The following THRB variants were observed in gnomAD, a reference collection of about 807,000 sequenced individuals.
THRB encodes nuclear receptor subfamily 1 group A member 2.
THRB carries 12 observed loss-of-function variants against 47.8 expected under a neutral mutation model. That is an observed-to-expected ratio of 0.25 (90% CI 0.16 to 0.41). THRB has a LOEUF of 0.41. THRB is among the 10% of genes least tolerant of loss of function. The pLI, the probability that THRB is intolerant of heterozygous loss-of-function variation, is 1.00. For synonymous variants in THRB, 218 were observed against 212.2 expected (o/e 1.03, Z -0.24); for missense variants, 348 against 589.2 (o/e 0.59, Z 4.24).
At chr3:24,212,538 A>G (rs973042064) in intron 4 of THRB, among the ~76,000 whole-genome samples, 3 of 128,694 alleles carry the variant, frequency 2.3e-5, no homozygotes, top group Non-Finnish European at 3.2e-5. Context: ...AGATCGCACC[A>G]TTGCACTCCA....
intron 1 of THRB, among the ~76,000 whole-genome samples, chr3:24,415,145 CAGGTTTGGTA>C (rs2068635356): frequency 6.6e-6 from 1 of 151,768 alleles, no homozygotes; most frequent in Non-Finnish European, 1.5e-5. Context: ...ATAAAAGATT[CAGGTTTGGTA>C]AGCTCAGGGT....
intron 4 of THRB, among the ~76,000 whole-genome samples, chr3:24,195,561 A>G (rs2043855173): frequency 6.6e-6 from 1 of 152,224 alleles, no homozygotes; most frequent in Admixed American, 6.5e-5. Flanking sequence ...GTGAGCATTT[A>G]AAAGTATAAA....
Position 24,212,597 on chromosome 3 carries a change from AAG to A in THRB, c.22+16339_22+16340del, listed in dbSNP as rs1491031152. 4.0e-5 allele frequency among the ~76,000 whole-genome samples: 6 copies of A among 148,550 alleles called. No individual in the cohort carries two copies. The South Asian group carries it at 1.3e-3, about 31-fold the overall frequency. The stretch of plus-strand genomic sequence containing the variant: ...CGTCTCAAAAAAAAAAAAAAAAAAA[AAG>A]AAAGAAAAGAGAATTGAGACCCATG... On this transcript the variant is annotated intron_variant, in intron 4 of 10. Transcript: ENST00000646209.
At chr3:24,397,367 A>T (rs1486585553) in intron 1 of THRB, among the ~76,000 whole-genome samples, 1 of 152,122 alleles carries the variant, frequency 6.6e-6, no homozygotes, top group East Asian at 1.9e-4. Context: ...AGTTGCTTAG[A>T]GATTTGCTCC....
chr3:24,241,510 ATCTATT>A (rs1231937650), intron 3 of THRB, among the ~76,000 whole-genome samples: 32 of 152,180 alleles, frequency 2.1e-4, no homozygotes, highest in African/African-American at 7.7e-4. Context: ...CTACAGAGAA[ATCTATT>A]CTTGTGCCTC....
intron 5 of THRB, among the ~76,000 whole-genome samples, chr3:24,187,298 T>C (rs956407103): frequency 6.6e-6 from 1 of 152,208 alleles, no homozygotes; most frequent in African/African-American, 2.4e-5. Context: ...TTTGCATCAA[T>C]AGAAATGGTA....
chr3:24,117,637 A>T lies in THRB; in HGVS notation c.*5247T>A, dbSNP rs1016520908. The T allele has an allele frequency of 5.9e-5, 9 of 152,390 alleles. No homozygotes were observed. In the East Asian group the frequency reaches 1.7e-3, roughly 29 times the overall value. 9.4% of individuals were successfully genotyped at this position (152,390 alleles called of 1,614,324 possible). A position where few individuals can be genotyped will look rare whatever the true frequency, so the allele number is the denominator to read the frequency against. On this transcript the variant is annotated 3_prime_UTR_variant, in exon 11 of 11. Coordinates refer to ENST00000646209, the MANE Select transcript of THRB (RefSeq NM_001354712.2). ...GGAGGCCACCGTAAGGTGAAAGGCC[A>T]TGTGAATGTTAAGTCTACATGAATG...
At chr3:24,257,687 A>G (rs1038515490) in intron 3 of THRB, among the ~76,000 whole-genome samples, 5 of 152,254 alleles carry the variant, frequency 3.3e-5, no homozygotes, top group Admixed American at 6.5e-5. Context: ...GCACAGCCCA[A>G]TAAAACTTTA....
intron 2 of THRB, among the ~76,000 whole-genome samples, chr3:24,303,745 G>T (rs544586777): frequency 2.0e-5 from 3 of 152,258 alleles, no homozygotes; most frequent in Admixed American, 2.0e-4. Context: ...GTTAGTTTTT[G>T]GTGGATAGTC....
At chr3:24,376,983 G>C (rs1459399529) in intron 1 of THRB, among the ~76,000 whole-genome samples, 2 of 151,950 alleles carry the variant, frequency 1.3e-5, no homozygotes, top group East Asian at 3.9e-4. Flanking sequence ...TGTCACTTAG[G>C]CTACAGTGCA....
In THRB at chr3:24,152,485, T is replaced by C. The variant is rs778510901; in HGVS notation, c.289A>G (p.Ile97Val). 6.5e-7 allele frequency: 1 copy of C among 1,536,760 alleles called. No individual in the cohort carries two copies. Among genetic ancestry groups the C allele is most frequent in the Non-Finnish European group, 9.0e-7 (1 of 1,109,788 alleles). Reference protein sequence around the residue: ...QTEEKKCKGYIPSYLDKDELC... With the variant: ...QTEEKKCKGYVPSYLDKDELC... ...TCGTCCTTGTCTAAGTAACTGGGGATGTACCCTGTGAAGGAAATAAAAGAA... is the reference window on the plus strand; with the variant it reads ...TCGTCCTTGTCTAAGTAACTGGGGACGTACCCTGTGAAGGAAATAAAAGAA... Residue 97 changes from isoleucine (I) to valine (V), a missense_variant, in exon 6 of 11, where the codon ATC (isoleucine) becomes GTC (valine). By Grantham distance (29) the Ile-to-Val change is conservative. Around this residue, in one of 5 missense-constraint regions of THRB, gnomAD observed 148 missense variants for 122.3 expected, o/e 1.21. Coordinates refer to ENST00000646209, the MANE Select transcript of THRB (RefSeq NM_001354712.2).
At chr3:24,270,692 G>T (rs1025865604) in intron 3 of THRB, among the ~76,000 whole-genome samples, 1 of 152,198 alleles carries the variant, frequency 6.6e-6, no homozygotes, top group Admixed American at 6.5e-5. Context: ...AAATTTACAG[G>T]CCTGGGAGTG....
chr3:24,440,791 G>T (rs141867192), intron 1 of THRB, among the ~76,000 whole-genome samples: 65 of 152,294 alleles, frequency 4.3e-4, no homozygotes, highest in Non-Finnish European at 8.2e-4. Context: ...AATACAAATT[G>T]TACTGAGGGA....
chr3:24,282,899 T>C (rs973298075), intron 3 of THRB, among the ~76,000 whole-genome samples: 5 of 151,576 alleles, frequency 3.3e-5, no homozygotes, highest in East Asian at 1.9e-4. Flanking sequence ...AAGTTGAATC[T>C]CTGAATAGAC....
At chr3:24,219,110 T>A (rs1337906181) in intron 4 of THRB, among the ~76,000 whole-genome samples, 2 of 151,574 alleles carry the variant, frequency 1.3e-5, no homozygotes, top group South Asian at 2.1e-4. Context: ...CTGCAAAAAA[T>A]AATAATAATA....
intron 8 of THRB, among the ~76,000 whole-genome samples, chr3:24,134,310 A>C: frequency 6.6e-6 from 1 of 151,570 alleles, no homozygotes. Context: ...TCATTCAGTG[A>C]CCTCCCTGAT....
intron 1 of THRB, among the ~76,000 whole-genome samples, chr3:24,381,507 G>A (rs1371159040): frequency 6.6e-6 from 1 of 152,130 alleles, no homozygotes; most frequent in Admixed American, 6.5e-5. Flanking sequence ...TCCTTGGAAG[G>A]TGAAGCTATA....
intron 9 of THRB, among the ~76,000 whole-genome samples, chr3:24,131,980 C>T (rs762164985): frequency 6.6e-6 from 1 of 152,194 alleles, no homozygotes; most frequent in Non-Finnish European, 1.5e-5. Flanking sequence ...TCCCGAAGCC[C>T]ACTTTCCTGT....
At chr3:24,405,545 G>A (rs2067753010) in intron 1 of THRB, among the ~76,000 whole-genome samples, 1 of 151,800 alleles carries the variant, frequency 6.6e-6, no homozygotes, top group African/African-American at 2.4e-5. Flanking sequence ...TAAAAATTAT[G>A]TCTTGTAGAT....
Sources: allele counts gnomAD v4.1 joint callset (sites outside exome capture counted in the v4.1 genomes callset), GRCh38; gene constraint gnomAD v4.1.1; regional missense constraint gnomAD v4.1.1; transcripts MANE v1.5; gene names NCBI Gene and HGNC (gene_info 2026-07-23, HGNC 2026-07-21).